KCNK12: variants seen among roughly 807,000 people sequenced by gnomAD.
KCNK12 encodes the protein potassium two pore domain channel subfamily K member 12.
In KCNK12, 6 loss-of-function variants were observed where a neutral mutation model predicts 25.3. That is an observed-to-expected ratio of 0.24 (90% CI 0.13 to 0.47). The LOEUF (loss-of-function observed/expected upper bound fraction) is 0.47, where lower values mean the gene tolerates loss of function less well. Ranked by LOEUF, KCNK12 falls within the 20% of genes least tolerant of loss-of-function variation. The pLI is 0.99. For missense variants in KCNK12, 444 were observed against 661.7 expected (o/e 0.67, Z 3.61); for synonymous variants, 331 against 311.1 (o/e 1.06, Z -0.67).
intron 1 of KCNK12, among the ~76,000 whole-genome samples, chr2:47,523,818 C>T (rs1157328009): frequency 6.6e-6 from 1 of 152,182 alleles, no homozygotes; most frequent in African/African-American, 2.4e-5. Context: ...CAGGGGCATC[C>T]CTGTTTAATT....
At chr2:47,544,550 A>G (rs917563982) in intron 1 of KCNK12, among the ~76,000 whole-genome samples, 15 of 152,256 alleles carry the variant, frequency 9.9e-5, no homozygotes, top group African/African-American at 2.4e-5. Context: ...TGCAAAAGCT[A>G]TAATTTCATG....
chr2:47,526,922 C>T (rs1390983311), intron 1 of KCNK12, among the ~76,000 whole-genome samples: 1 of 152,186 alleles, frequency 6.6e-6, no homozygotes, highest in Non-Finnish European at 1.5e-5. Context: ...TGGTGAAAGC[C>T]ACCACCTAAC....
chr2:47,558,029 T>C (rs1453331962), intron 1 of KCNK12, among the ~76,000 whole-genome samples: 2 of 152,252 alleles, frequency 1.3e-5, no homozygotes. Context: ...CAGGTCATCA[T>C]CTGATCATCA....
intron 1 of KCNK12, among the ~76,000 whole-genome samples, chr2:47,532,505 G>A (rs186746571): frequency 1.3e-5 from 2 of 152,282 alleles, no homozygotes; most frequent in East Asian, 3.9e-4. Flanking sequence ...GGGACTACAG[G>A]CACCCACCAC....
intron 1 of KCNK12, among the ~76,000 whole-genome samples, chr2:47,544,364 G>T (rs1669266992): frequency 6.6e-6 from 1 of 152,224 alleles, no homozygotes; most frequent in South Asian, 2.1e-4. Context: ...TCTGCCGAGG[G>T]CATAAACCAT....
Position 47,548,927 on chromosome 2 carries a change from C to A in KCNK12, c.391+21014G>T, listed in dbSNP as rs1669368122. On this transcript the variant is annotated intron_variant, in intron 1 of 1. Transcript: ENST00000327876. This position sits in a 1 kb window ranked among gnomAD's most constrained non-coding sequence, Gnocchi z 4.4. ...TGTCACTGCTTAACTGCTGTAACTA[C>A]TGTGGAGCACTGGAGAGGAAGGAAC... is the stretch of plus-strand genomic sequence containing the variant. 6.6e-6 allele frequency among the ~76,000 whole-genome samples: 1 copy of A among 152,204 alleles called. No homozygotes were observed. Among genetic ancestry groups the A allele is most frequent in the Non-Finnish European group, 1.5e-5 (1 of 68,042 alleles).
intron 1 of KCNK12, among the ~76,000 whole-genome samples, chr2:47,568,639 G>A (rs934906448): frequency 2.6e-5 from 4 of 152,184 alleles, no homozygotes; most frequent in African/African-American, 9.6e-5. Context: ...GCCATCTGCT[G>A]TGGCTTATCC....
rs949757542 is a variant in KCNK12 at position 47,529,884 on chromosome 2, T to C, written c.392-8076A>G. Among the ~76,000 whole-genome samples the C allele has an allele frequency of 2.7e-4, 41 of 152,220 alleles. No homozygotes were observed. Among genetic ancestry groups the C allele is most frequent in the African/African-American group, 9.6e-4 (40 of 41,454 alleles). On this transcript the variant is annotated intron_variant, in intron 1 of 1. Transcript: ENST00000327876. This position sits in a 1 kb window ranked among gnomAD's most constrained non-coding sequence, Gnocchi z 4.3. ...TTTAAGTATAAGTATGTCCCAAATA[T>C]TGCATAGGACATACTTATACTAAAA...
At chr2:47,554,404 C>A (rs1178052611) in intron 1 of KCNK12, among the ~76,000 whole-genome samples, 1 of 152,150 alleles carries the variant, frequency 6.6e-6, no homozygotes, top group Non-Finnish European at 1.5e-5. Flanking sequence ...AGGGAAGGCT[C>A]CTCAAGGGTG....
chr2:47,530,152 G>A (rs1195428781), intron 1 of KCNK12, among the ~76,000 whole-genome samples: 1 of 152,310 alleles, frequency 6.6e-6, no homozygotes, highest in East Asian at 1.9e-4. Context: ...CCAGCGGCCA[G>A]GCCTCCCCAT....
chr2:47,550,371 TCA>T (rs1305776295), intron 1 of KCNK12, among the ~76,000 whole-genome samples: 1 of 146,458 alleles, frequency 6.8e-6, no homozygotes. Flanking sequence ...AGAAAAATAT[TCA>T]CAGACTTTTT....
At position 47,511,852 on chromosome 2, in the gene KCNK12, A is replaced by G. The variant is rs1286187033; in HGVS notation, c.*9055T>C. ...TGTGCTATCCAATATGGTAGCCACA[A>G]GTTACATGTGGCTATTGAACACTTG... is the stretch of plus-strand genomic sequence containing the variant. On this transcript the variant is annotated 3_prime_UTR_variant, in exon 2 of 2. Coordinates refer to ENST00000327876, the MANE Select transcript of KCNK12 (RefSeq NM_022055.2). The surrounding 1 kb of genome is among the most constrained non-coding windows in gnomAD (Gnocchi z 4.3). Among the ~76,000 whole-genome samples, 1 of 152,246 alleles carries G rather than the reference A, an allele frequency of 6.6e-6. No homozygotes were observed. The highest frequency in any genetic ancestry group is 2.1e-4 in the South Asian group (1 of 4,832).
Position 47,512,317 on chromosome 2 carries a change from A to C in KCNK12, c.*8590T>G. 1 of 1,612,662 alleles carries C rather than the reference A, an allele frequency of 6.2e-7. No homozygotes were observed. The stretch of plus-strand genomic sequence containing the variant: ...CTTCCTTTCAGAACCTCAGAGTGAC[A>C]GAGCCAAAAGACCAGTGCCTCATTT... On this transcript the variant is annotated 3_prime_UTR_variant, in exon 2 of 2. Coordinates refer to ENST00000327876, the MANE Select transcript of KCNK12 (RefSeq NM_022055.2).
At position 47,518,842 on chromosome 2, in the gene KCNK12, G is replaced by A. The variant is rs1173557168; in HGVS notation, c.*2065C>T. On this transcript the variant is annotated 3_prime_UTR_variant, in exon 2 of 2. Coordinates refer to ENST00000327876, the MANE Select transcript of KCNK12 (RefSeq NM_022055.2). The surrounding 1 kb of genome is among the most constrained non-coding windows in gnomAD (Gnocchi z 4.1). The stretch of plus-strand genomic sequence containing the variant: ...CCCCAAGTTATTTCCTGTTGCCTAG[G>A]TAACACCTCTAATTGGATGCCTTTT... 6.6e-6 allele frequency: 1 copy of A among 152,230 alleles called. No individual in the cohort carries two copies. The highest frequency in any genetic ancestry group is 1.5e-5 in the Non-Finnish European group (1 of 68,044). 9.4% of individuals were successfully genotyped at this position (152,230 alleles called of 1,614,324 possible).
intron 1 of KCNK12, among the ~76,000 whole-genome samples, chr2:47,530,711 T>C (rs1156859429): frequency 6.6e-6 from 1 of 152,212 alleles, no homozygotes; most frequent in East Asian, 1.9e-4. Flanking sequence ...GTCAATGGCC[T>C]GATAGTTTAT....
chr2:47,532,499 C>T (rs532199405), intron 1 of KCNK12, among the ~76,000 whole-genome samples: 9 of 152,280 alleles, frequency 5.9e-5, no homozygotes, highest in Admixed American at 2.6e-4. Context: ...GTAGCTGGGA[C>T]TACAGGCACC....
At chr2:47,524,097 C>A (rs1668718764) in intron 1 of KCNK12, among the ~76,000 whole-genome samples, 4 of 151,932 alleles carry the variant, frequency 2.6e-5, no homozygotes, top group Admixed American at 2.6e-4. Context: ...ATGATGTTAC[C>A]CATGTTGAGG....
At chr2:47,541,664 G>A (rs1259231526) in intron 1 of KCNK12, among the ~76,000 whole-genome samples, 1 of 152,094 alleles carries the variant, frequency 6.6e-6, no homozygotes, top group Non-Finnish European at 1.5e-5. Flanking sequence ...ATTAGGGTGA[G>A]CCCTAATCCA....
At chr2:47,541,279 C>T (rs546848650) in intron 1 of KCNK12, among the ~76,000 whole-genome samples, 1 of 152,328 alleles carries the variant, frequency 6.6e-6, no homozygotes, top group African/African-American at 2.4e-5. Context: ...CACGGTCCTG[C>T]ACTCTTAGAG....
Sources: allele counts gnomAD v4.1 joint callset (sites outside exome capture counted in the v4.1 genomes callset), GRCh38; gene constraint gnomAD v4.1.1; non-coding constraint Gnocchi (gnomAD v3.1); transcripts MANE v1.5; gene names NCBI Gene and HGNC (gene_info 2026-07-23, HGNC 2026-07-21).